NCKAP1: variants seen among roughly 807,000 people sequenced by gnomAD.
The protein encoded by NCKAP1 is nck-associated protein 1.
Under a neutral mutation model 151.2 loss-of-function variants are expected in NCKAP1, and 21 were observed. The ratio of observed to expected loss-of-function variants is 0.14; its 90% CI spans 0.10 to 0.20. The LOEUF (loss-of-function observed/expected upper bound fraction) is 0.20, where lower values mean the gene tolerates loss of function less well. Ranked by LOEUF, NCKAP1 falls within the 10% of genes least tolerant of loss-of-function variation. NCKAP1 has a pLI of 1.00. For synonymous variants in NCKAP1, 484 were observed against 451.8 expected (o/e 1.07, Z -0.90); for missense variants, 933 against 1,352.1 (o/e 0.69, Z 4.86).
intron 2 of NCKAP1, among the ~76,000 whole-genome samples, chr2:183,007,309 T>G (rs1698495694): frequency 6.6e-6 from 1 of 152,186 alleles, no homozygotes; most frequent in East Asian, 1.9e-4. Flanking sequence ...ATGTAAAAAC[T>G]GGAAATAAAC....
intron 14 of NCKAP1, among the ~76,000 whole-genome samples, chr2:182,977,653 G>A (rs1697853662): frequency 6.6e-6 from 1 of 152,122 alleles, no homozygotes; most frequent in African/African-American, 2.4e-5. Context: ...GGTATCTAGA[G>A]CAGTCATGCT....
chr2:182,981,510 C>T, intron 12 of NCKAP1, 134 bp from the exon 13 acceptor site: 1 of 548,330 alleles, frequency 1.8e-6, no homozygotes, highest in African/African-American at 1.9e-5. Context: ...ATGTCAATTA[C>T]TTCCTTTTTA....
chr2:182,950,773 C>T (rs1204063721), intron 23 of NCKAP1, among the ~76,000 whole-genome samples: 1 of 152,108 alleles, frequency 6.6e-6, no homozygotes, highest in Non-Finnish European at 1.5e-5. Flanking sequence ...AAACATTTGT[C>T]CGAAATCAAA....
chr2:182,959,801 A>C (rs992085924), intron 18 of NCKAP1, among the ~76,000 whole-genome samples: 3 of 152,182 alleles, frequency 2.0e-5, no homozygotes, highest in East Asian at 1.9e-4. Flanking sequence ...TCAAATTGTC[A>C]CTGTTTGCAG....
At chr2:182,956,672 C>T (rs945978525) in intron 19 of NCKAP1, 79 bp from the exon 20 acceptor site, 2 of 1,400,746 alleles carry the variant, frequency 1.4e-6, no homozygotes, top group African/African-American at 2.9e-5. Context: ...AATATATCAA[C>T]CTTATTTGGA....
At chr2:183,035,358 TAA>T (rs779945993) in intron 1 of NCKAP1, among the ~76,000 whole-genome samples, 146 of 152,230 alleles carry the variant, frequency 9.6e-4, no homozygotes, top group Non-Finnish European at 1.8e-3. Context: ...CTGACAATAA[TAA>T]GTTATTTTAC....
rs866582627 is a variant in NCKAP1 at position 182,916,552 on chromosome 2, G to A, written c.*9150C>T. On this transcript the variant is annotated 3_prime_UTR_variant, in exon 31 of 31. Transcript: ENST00000361354. ...ATAAAGGCATTTATAAGGTTTAGAA[G>A]AAACAGGATGGCATGGTAAGGAAAG... is the stretch of plus-strand genomic sequence containing the variant. 1.3e-5 allele frequency: 2 copies of A among 152,172 alleles called. No homozygotes were observed. The highest frequency in any genetic ancestry group is 6.5e-5 in the Admixed American group (1 of 15,268). 9.4% of individuals were successfully genotyped at this position (152,172 alleles called of 1,614,324 possible).
In NCKAP1 at chr2:182,913,802, G is replaced by C. The variant is rs1255754517; in HGVS notation, c.*11900C>G. On this transcript the variant is annotated 3_prime_UTR_variant, in exon 31 of 31. Transcript: ENST00000361354. ...TCCTCTCATGCTTCTTTGCTTCTCT[G>C]TCTGCATCTGCCTCATTCTTTTTTC... 6.6e-6 allele frequency: 1 copy of C among 152,104 alleles called. No individual in the cohort carries two copies. Among genetic ancestry groups the C allele is most frequent in the Non-Finnish European group, 1.5e-5 (1 of 68,074 alleles). 9.4% of individuals were successfully genotyped at this position (152,104 alleles called of 1,614,324 possible).
Position 182,914,424 on chromosome 2 carries a change from C to A in NCKAP1, c.*11278G>T, listed in dbSNP as rs1457370147. The A allele has an allele frequency of 2.0e-5, 3 of 152,130 alleles. No individual in the cohort carries two copies. The highest frequency in any genetic ancestry group is 7.2e-5 in the African/African-American group (3 of 41,428). 9.4% of individuals were successfully genotyped at this position (152,130 alleles called of 1,614,324 possible). ...AGATTAAAACAGGCAATTTCTATTT[C>A]TTTAACTTTCCTACTCAAGCATTGT... On this transcript the variant is annotated 3_prime_UTR_variant, in exon 31 of 31. Coordinates refer to ENST00000361354, the MANE Select transcript of NCKAP1 (RefSeq NM_013436.5).
chr2:183,019,680 T>C lies in NCKAP1; in HGVS notation c.219+4126A>G, dbSNP rs528261876. Among the ~76,000 whole-genome samples the C allele has an allele frequency of 1.1e-4, 17 of 152,340 alleles. No homozygotes were observed. The South Asian group carries it at 2.7e-3, about 24-fold the overall frequency. On this transcript the variant is annotated intron_variant, in intron 2 of 30. Transcript: ENST00000361354. ...AAATGAGGAACTCTATTAATACACA[T>C]AACCTGGCACACATTAGATAACAAG...
Position 183,002,154 on chromosome 2 carries a change from T to C in NCKAP1, c.485A>G (p.Tyr162Cys). 1.2e-6 allele frequency: 2 copies of C among 1,613,222 alleles called. No individual in the cohort carries two copies. The highest frequency in any genetic ancestry group is 2.2e-5 in the East Asian group (1 of 44,816). ...ERKAIIGLYN[Y>C]AHEMTHGASD... ...TGCTCCATGAGTCATTTCATGGGCATAGTTGTATAATCCAATGATTGCCTT... is the reference window on the plus strand; with the variant it reads ...TGCTCCATGAGTCATTTCATGGGCACAGTTGTATAATCCAATGATTGCCTT... The change falls in exon 5 of 31, where the codon TAT (tyrosine) becomes TGT (cysteine). Residue 162 changes from tyrosine (Y) to cysteine (C), a missense_variant. Physicochemically the swap from Tyr to Cys is radical, Grantham distance 194. This residue lies in a region of NCKAP1 where 607 missense variants were observed against 795.0 expected (regional missense o/e 0.76). Transcript: ENST00000361354.
chr2:182,960,447 T>A (rs1697422948), intron 18 of NCKAP1, among the ~76,000 whole-genome samples: 1 of 152,176 alleles, frequency 6.6e-6, no homozygotes, highest in Admixed American at 6.5e-5. Flanking sequence ...AACCATCTGA[T>A]CTTTGACAAA....
At chr2:182,931,722 G>T (rs1045083167) in intron 26 of NCKAP1, among the ~76,000 whole-genome samples, 1 of 151,998 alleles carries the variant, frequency 6.6e-6, no homozygotes, top group Admixed American at 6.6e-5. Flanking sequence ...TTAGAGAAAA[G>T]ATTTGCAAAT....
intron 2 of NCKAP1, among the ~76,000 whole-genome samples, chr2:183,012,130 T>C (rs1189781742): frequency 6.6e-6 from 1 of 152,188 alleles, no homozygotes; most frequent in Non-Finnish European, 1.5e-5. Flanking sequence ...AAAACTACTA[T>C]GATCAATTCC....
At chr2:182,926,319 C>CTA (rs1425216341) in intron 30 of NCKAP1, among the ~76,000 whole-genome samples, 1 of 151,884 alleles carries the variant, frequency 6.6e-6, no homozygotes, top group Non-Finnish European at 1.5e-5. Context: ...GTGGGATGTG[C>CTA]TAAGTCATTA....
intron 24 of NCKAP1, among the ~76,000 whole-genome samples, chr2:182,941,181 G>T (rs1696987593): frequency 6.6e-6 from 1 of 150,696 alleles, no homozygotes; most frequent in African/African-American, 2.4e-5. Context: ...CAAGAAGTAT[G>T]ACTTTAAAAT....
intron 22 of NCKAP1, 32 bp from the exon 23 acceptor site, chr2:182,952,534 C>T (rs758518147): frequency 4.2e-6 from 6 of 1,445,472 alleles, no homozygotes; most frequent in South Asian, 1.2e-5. Flanking sequence ...TTTATACTTC[C>T]GACAGAGCAA....
chr2:183,011,014 G>C (rs959029168), intron 2 of NCKAP1, among the ~76,000 whole-genome samples: 3 of 152,104 alleles, frequency 2.0e-5, no homozygotes, highest in Non-Finnish European at 4.4e-5. Context: ...ATTTATTTAT[G>C]TCAAGATGGC....
At chr2:182,949,833 G>C (rs1161153655) in intron 23 of NCKAP1, among the ~76,000 whole-genome samples, 1 of 152,124 alleles carries the variant, frequency 6.6e-6, no homozygotes, top group African/African-American at 2.4e-5. Flanking sequence ...TTTTATTTTT[G>C]CATCCAACAA....
Sources: allele counts gnomAD v4.1 joint callset (sites outside exome capture counted in the v4.1 genomes callset), GRCh38; gene constraint gnomAD v4.1.1; regional missense constraint gnomAD v4.1.1; transcripts MANE v1.5; gene names NCBI Gene and HGNC (gene_info 2026-07-23, HGNC 2026-07-21).